The following KSR2 variants were observed in gnomAD, a reference collection of about 807,000 sequenced individuals.
KSR2 encodes the protein kinase suppressor of ras 2.
KSR2 carries 25 observed loss-of-function variants against 107.8 expected under a neutral mutation model. The observed-to-expected ratio is 0.23, with a 90% CI of 0.17 to 0.32. The LOEUF is 0.32. Ranked by LOEUF, KSR2 falls within the 10% of genes least tolerant of loss-of-function variation. The probability of loss-of-function intolerance (pLI) is 1.00; values close to 1 mark genes in which losing one functional copy is unlikely to be tolerated. For missense variants in KSR2, 887 were observed against 1,268.9 expected (o/e 0.70, Z 4.57); for synonymous variants, 480 against 507.0 (o/e 0.95, Z 0.71).
At chr12:117,468,502 A>C (rs1291986645) in intron 19 of KSR2, among the ~76,000 whole-genome samples, 1 of 152,222 alleles carries the variant, frequency 6.6e-6, no homozygotes, top group Non-Finnish European at 1.5e-5. Context: ...CAGCAAGCTC[A>C]AATGGCAGGG....
chr12:117,555,320 G>A, intron 8 of KSR2, 27 bp from the exon 9 acceptor site: 1 of 1,612,798 alleles, frequency 6.2e-7, no homozygotes, highest in South Asian at 1.1e-5. Context: ...ATTGATTTGG[G>A]AGTTTAAGTA....
chr12:117,674,992 G>A (rs1203580026), intron 4 of KSR2, among the ~76,000 whole-genome samples: 1 of 151,980 alleles, frequency 6.6e-6, no homozygotes, highest in Non-Finnish European at 1.5e-5. Context: ...CTGCTGCCTG[G>A]GACATTATTC....
At chr12:117,679,687 G>T (rs1040529697) in intron 4 of KSR2, among the ~76,000 whole-genome samples, 2 of 152,124 alleles carry the variant, frequency 1.3e-5, no homozygotes, top group Non-Finnish European at 2.9e-5. Flanking sequence ...TAGCCCATCT[G>T]GGTGTGTAAA....
At chr12:117,728,238 G>A (rs1203309867) in intron 4 of KSR2, among the ~76,000 whole-genome samples, 1 of 152,170 alleles carries the variant, frequency 6.6e-6, no homozygotes, top group Non-Finnish European at 1.5e-5. Context: ...AAGCTAAAGA[G>A]AAGAGAAAGG....
intron 3 of KSR2, among the ~76,000 whole-genome samples, chr12:117,805,493 G>A (rs1890978455): frequency 6.6e-6 from 1 of 152,214 alleles, no homozygotes; most frequent in South Asian, 2.1e-4. Context: ...AAAGGGTTCA[G>A]GTCATGATGA....
At chr12:117,966,831 A>C (rs1428067360) in intron 1 of KSR2, among the ~76,000 whole-genome samples, 2 of 152,102 alleles carry the variant, frequency 1.3e-5, no homozygotes, top group East Asian at 3.9e-4. Context: ...CAGGGGCAGG[A>C]GGGCCACAAG....
intron 1 of KSR2, 90 bp downstream of exon 1, chr12:117,967,986 G>A: frequency 7.4e-6 from 9 of 1,217,064 alleles, no homozygotes; most frequent in Non-Finnish European, 1.1e-5. Context: ...AGAATCAGAG[G>A]GAAAGGGGAC....
At chr12:117,686,731 T>C (rs573027767) in intron 4 of KSR2, among the ~76,000 whole-genome samples, 3 of 152,314 alleles carry the variant, frequency 2.0e-5, no homozygotes, top group African/African-American at 7.2e-5. Flanking sequence ...AGAAATGTTT[T>C]ACTCAAGGAA....
chr12:117,631,896 G>A (rs1257468951), intron 5 of KSR2, among the ~76,000 whole-genome samples: 1 of 152,142 alleles, frequency 6.6e-6, no homozygotes, highest in South Asian at 2.1e-4. Flanking sequence ...ATTTTGAGCA[G>A]CAACAAGTTC....
At chr12:117,538,105 T>C (rs1262659430) in intron 10 of KSR2, among the ~76,000 whole-genome samples, 8 of 17,130 alleles carry the variant, frequency 4.7e-4, no homozygotes, top group Non-Finnish European at 7.2e-4. Flanking sequence ...CTAACGGTCT[T>C]TTTTTTTCCC....
At chr12:117,794,452 ACAC>A (rs140730158) in intron 3 of KSR2, among the ~76,000 whole-genome samples, 5 of 93,652 alleles carry the variant, frequency 5.3e-5, no homozygotes, top group Non-Finnish European at 8.7e-5. Context: ...ACATGCACAC[ACAC>A]CAACATGCAC....
chr12:117,594,695 A>G (rs530912453), intron 5 of KSR2, among the ~76,000 whole-genome samples: 1 of 152,322 alleles, frequency 6.6e-6, no homozygotes, highest in Non-Finnish European at 1.5e-5. Flanking sequence ...CTTGGAGATA[A>G]GGAAGGAATT....
intron 10 of KSR2, among the ~76,000 whole-genome samples, chr12:117,538,291 T>G (rs76046431): frequency 0.026 from 3,917 of 152,290 alleles, 156 homozygotes; most frequent in African/African-American, 0.081. Context: ...TAGGTGGATA[T>G]GAGGCTGTTA....
intron 3 of KSR2, among the ~76,000 whole-genome samples, chr12:117,838,617 C>T (rs1012447085): frequency 6.6e-6 from 1 of 152,146 alleles, no homozygotes; most frequent in Non-Finnish European, 1.5e-5. Context: ...ATAGGAAGTT[C>T]TTGATCAATT....
intron 7 of KSR2, among the ~76,000 whole-genome samples, chr12:117,564,389 AAGT>A (rs760270407): frequency 3.3e-5 from 5 of 152,246 alleles, no homozygotes; most frequent in Non-Finnish European, 5.9e-5. Context: ...GAGAATGTCT[AAGT>A]AGTACCACAT....
intron 4 of KSR2, among the ~76,000 whole-genome samples, chr12:117,706,895 C>G (rs746130053): frequency 5.9e-5 from 9 of 152,010 alleles, no homozygotes; most frequent in Non-Finnish European, 1.2e-4. Context: ...TATGTCCACA[C>G]AAAATCTTGT....
chr12:117,801,469 C>T (rs777327733), intron 3 of KSR2, among the ~76,000 whole-genome samples: 6 of 152,066 alleles, frequency 3.9e-5, no homozygotes, highest in Non-Finnish European at 8.8e-5. Flanking sequence ...TTCATTGGTT[C>T]ACAGTTCCTC....
chr12:117,794,204 CA>C (rs1890477595), intron 3 of KSR2, among the ~76,000 whole-genome samples: 1 of 115,862 alleles, frequency 8.6e-6, no homozygotes, highest in Non-Finnish European at 1.7e-5. Context: ...ACCATGCACA[CA>C]TACACCAACA....
chr12:117,749,120 CAA>C (rs34973454), intron 4 of KSR2, among the ~76,000 whole-genome samples: 74,856 of 105,930 alleles, frequency 0.71, 27,731 homozygotes, highest in African/African-American at 0.85. Context: ...GCTCCACTGG[CAA>C]AAAAAAAAAA....
Sources: gnomAD v4.1 joint callset for allele counts (sites outside exome capture counted in the v4.1 genomes callset) on GRCh38, gnomAD v4.1.1 for gene constraint, MANE v1.5 for transcripts, NCBI Gene and HGNC (gene_info 2026-07-23, HGNC 2026-07-21) for gene names.